Variants in NRXN3 observed in about 807,000 individuals in gnomAD.
NRXN3 encodes neurexin 3, also known as neurexin III.
A neutral mutation model predicts 137.6 loss-of-function variants in NRXN3; 32 were observed. That is an observed-to-expected ratio of 0.23 (90% CI 0.18 to 0.31). The LOEUF is 0.31. Among genes scored for constraint, NRXN3 ranks in the 10% least tolerant of loss-of-function variants. The pLI is 1.00. For missense variants in NRXN3, 1,574 were observed against 2,062.5 expected, an observed-to-expected ratio of 0.76 and a Z score of 4.59; for synonymous variants, 798 against 784.5, an observed-to-expected ratio of 1.02 and a Z score of -0.29.
intron 15 of NRXN3, among the ~76,000 whole-genome samples, chr14:79,002,373 C>T (rs186845740): frequency 1.7e-4 from 26 of 152,182 alleles, no homozygotes; most frequent in Admixed American, 1.0e-3. Flanking sequence ...CTCCTCTGAT[C>T]CTATCCCCTG....
chr14:79,744,797 G>T (rs1603460017), intron 19 of NRXN3, among the ~76,000 whole-genome samples: 1 of 152,060 alleles, frequency 6.6e-6, no homozygotes, highest in Non-Finnish European at 1.5e-5. Context: ...AAGAATAATG[G>T]ATGTTGGAGA....
At chr14:78,775,422 G>GC (rs2098741839) in intron 8 of NRXN3, among the ~76,000 whole-genome samples, 2 of 152,288 alleles carry the variant, frequency 1.3e-5, no homozygotes, top group South Asian at 4.1e-4. Flanking sequence ...TTTGAATGTG[G>GC]CCCAACACAA....
At chr14:78,957,160 A>G (rs2099398357) in intron 10 of NRXN3, 82 bp from the exon 11 acceptor site, 1 of 1,440,100 alleles carries the variant, frequency 6.9e-7, no homozygotes, top group Admixed American at 1.8e-5. Context: ...GGTCATGTGC[A>G]CCAGTGTGGT....
chr14:78,648,614 G>T (rs879898501), intron 5 of NRXN3, among the ~76,000 whole-genome samples: 3 of 152,186 alleles, frequency 2.0e-5, no homozygotes, highest in African/African-American at 4.8e-5. Context: ...ATAGGCTGTA[G>T]ATGTTTAATT....
chr14:79,432,347 CT>C (rs1180284817), intron 15 of NRXN3, among the ~76,000 whole-genome samples: 3 of 152,180 alleles, frequency 2.0e-5, no homozygotes, highest in Non-Finnish European at 2.9e-5. Flanking sequence ...GAAGGACTGC[CT>C]GATAACCTGC....
chr14:79,217,039 A>G (rs982200056), intron 15 of NRXN3, among the ~76,000 whole-genome samples: 13 of 152,140 alleles, frequency 8.5e-5, no homozygotes, highest in Non-Finnish European at 1.8e-4. Flanking sequence ...CGGGAGGCTG[A>G]GGCTGGAGGA....
chr14:79,560,810 G>A (rs1372493213), intron 16 of NRXN3, among the ~76,000 whole-genome samples: 1 of 151,976 alleles, frequency 6.6e-6, no homozygotes, highest in Non-Finnish European at 1.5e-5. Flanking sequence ...CAAAGTGCTG[G>A]GATTACAGGC....
At chr14:79,245,891 G>A (rs2075095558) in intron 15 of NRXN3, among the ~76,000 whole-genome samples, 1 of 152,142 alleles carries the variant, frequency 6.6e-6, no homozygotes, top group South Asian at 2.1e-4. Flanking sequence ...AAAAGGGAAA[G>A]AGGAAGGAGT....
intron 6 of NRXN3, among the ~76,000 whole-genome samples, chr14:78,685,781 C>T (rs1423802015): frequency 6.6e-6 from 1 of 151,070 alleles, no homozygotes. Context: ...TACAGGCATG[C>T]ACCACCATGT....
intron 10 of NRXN3, among the ~76,000 whole-genome samples, chr14:78,928,291 A>G (rs1342025010): frequency 6.6e-6 from 1 of 151,582 alleles, no homozygotes; most frequent in African/African-American, 2.4e-5. Context: ...TTCTGACTTC[A>G]TTACTTACAG....
chr14:78,253,275 A>G (rs1165087578), intron 2 of NRXN3, among the ~76,000 whole-genome samples: 1 of 152,224 alleles, frequency 6.6e-6, no homozygotes, highest in Non-Finnish European at 1.5e-5. Context: ...TGAAGTGTGG[A>G]TCATGTGGCC....
chr14:78,989,878 G>A lies in NRXN3; in HGVS notation c.3262+1737G>A, dbSNP rs140654884. Among the ~76,000 whole-genome samples the A allele has an allele frequency of 9.9e-5, 15 of 152,264 alleles. No homozygotes were observed. In the East Asian group the frequency reaches 1.4e-3, roughly 14 times the overall value. ...TAAGTTATCGTAACGTGGTGAGCACGCACAATTTTCAGAAGGTAGGTATGT... is the reference window on the plus strand; with the variant it reads ...TAAGTTATCGTAACGTGGTGAGCACACACAATTTTCAGAAGGTAGGTATGT... On this transcript the variant is annotated intron_variant, in intron 15 of 20. Transcript: ENST00000335750.
At chr14:78,586,406 C>T (rs1406209249) in intron 4 of NRXN3, among the ~76,000 whole-genome samples, 1 of 152,122 alleles carries the variant, frequency 6.6e-6, no homozygotes, top group East Asian at 1.9e-4. Flanking sequence ...CATTAGAATA[C>T]GTGAGGCTGG....
intron 4 of NRXN3, among the ~76,000 whole-genome samples, chr14:78,374,214 T>C (rs2087385748): frequency 6.6e-6 from 1 of 152,200 alleles, no homozygotes; most frequent in Non-Finnish European, 1.5e-5. Context: ...AGAAACAACT[T>C]CTGAAGTGCT....
chr14:79,362,306 C>T (rs576665198), intron 15 of NRXN3, among the ~76,000 whole-genome samples: 1 of 151,630 alleles, frequency 6.6e-6, no homozygotes, highest in Non-Finnish European at 1.5e-5. Context: ...CCTCTCCCCC[C>T]ACCCCACCAC....
intron 1 of NRXN3, among the ~76,000 whole-genome samples, chr14:78,216,224 A>G (rs531361847): frequency 6.6e-6 from 1 of 152,028 alleles, no homozygotes; most frequent in Admixed American, 6.5e-5. Context: ...TATCAAGTTA[A>G]TTGTCTTTTC....
chr14:78,800,761 T>C (rs1040441341), intron 8 of NRXN3, among the ~76,000 whole-genome samples: 2 of 152,226 alleles, frequency 1.3e-5, no homozygotes, highest in Non-Finnish European at 2.9e-5. Context: ...GCCTGACTCT[T>C]GTTTCTCCCT....
intron 4 of NRXN3, among the ~76,000 whole-genome samples, chr14:78,363,365 A>C (rs1048784600): frequency 3.3e-5 from 5 of 152,204 alleles, no homozygotes; most frequent in African/African-American, 9.6e-5. Flanking sequence ...GCAAGGGCAA[A>C]AAGAGTGATT....
At chr14:78,300,626 C>T in intron 4 of NRXN3, 1 of 1,421,534 alleles carries the variant, frequency 7.0e-7, no homozygotes, top group African/African-American at 1.4e-5. Context: ...TCTCTGGCCG[C>T]CTCCATGGTG....
Sources: gnomAD v4.1 joint callset for allele counts (sites outside exome capture counted in the v4.1 genomes callset) on GRCh38, gnomAD v4.1.1 for gene constraint, MANE v1.5 for transcripts, NCBI Gene and HGNC (gene_info 2026-07-23, HGNC 2026-07-21) for gene names.